Variants in ASPM observed in about 807,000 individuals in gnomAD.
ASPM encodes the protein abnormal spindle-like microcephaly-associated protein.
Under a neutral mutation model 366.4 loss-of-function variants are expected in ASPM, and 256 were observed. That is an observed-to-expected ratio of 0.70 (90% CI 0.63 to 0.77). ASPM has a LOEUF of 0.77. Ranked by LOEUF, ASPM falls within the 30% of genes least tolerant of loss-of-function variation. ASPM has a pLI of 0.00. For missense variants in ASPM, 4,146 were observed against 4,090.4 expected, an observed-to-expected ratio of 1.01 and a Z score of -0.37; for synonymous variants, 1,414 against 1,342.9, an observed-to-expected ratio of 1.05 and a Z score of -1.16.
At chr1:197,088,183 G>C in intron 26 of ASPM, 73 bp downstream of exon 26, 1 of 1,514,578 alleles carries the variant, frequency 6.6e-7, no homozygotes. Flanking sequence ...ATTACTAAAG[G>C]AAAACTATAA....
intron 16 of ASPM, 23 bp from the exon 17 acceptor site, chr1:197,118,006 T>C: frequency 6.3e-7 from 1 of 1,599,456 alleles, no homozygotes; most frequent in Non-Finnish European, 8.6e-7. Context: ...AGTCAGCAAA[T>C]GTAAATTAAA....
chr1:197,109,114 AAAAG>A (rs1657504875), intron 17 of ASPM, among the ~76,000 whole-genome samples: 2 of 152,150 alleles, frequency 1.3e-5, no homozygotes, highest in East Asian at 3.9e-4. Context: ...GTCAAGTAAA[AAAAG>A]AGGAAAAAAA....
At chr1:197,133,701 C>A in intron 5 of ASPM, 106 bp from the exon 6 acceptor site, 6 of 1,330,800 alleles carry the variant, frequency 4.5e-6, no homozygotes, top group Non-Finnish European at 6.2e-6. Context: ...ATAATCTATT[C>A]CTCACCCACT....
In ASPM at chr1:197,144,614, C is replaced by T. The variant is rs527895225; in HGVS notation, c.298-514G>A. Among the ~76,000 whole-genome samples, 38 of 152,254 alleles carry T rather than the reference C, an allele frequency of 2.5e-4. 1 individual carries two copies. The Middle Eastern group carries it at 0.01, about 41-fold the overall frequency. On this transcript the variant is annotated intron_variant, in intron 1 of 27. Coordinates refer to ENST00000367409, the MANE Select transcript of ASPM (RefSeq NM_018136.5). ...GGTATCCTGTAAAACTCATTTAATG[C>T]TAACATCCCTAGGAAGCAGGTATTA...
intron 16 of ASPM, among the ~76,000 whole-genome samples, chr1:197,120,574 G>GAAAAT (rs1200060139): frequency 1.3e-5 from 2 of 152,014 alleles, no homozygotes; most frequent in African/African-American, 4.8e-5. Flanking sequence ...ATCTTGAGCA[G>GAAAAT]AAAATAAAAG....
rs745339338 is a variant in ASPM, at chr1:197,101,926, C to T, written c.7325G>A (p.Arg2442Gln). The change falls in exon 18 of 28, where the codon CGA (arginine) becomes CAA (glutamine). Residue 2442 changes from arginine to glutamine, a missense_variant. Coordinates refer to ENST00000367409, the MANE Select transcript of ASPM (RefSeq NM_018136.5). ...KATIFVQRKY[R>Q]ATICAKHKLY... is the part of the protein sequence containing the mutation. ...TTTATGTTTGGCACAAATGGTGGCTCGATATTTCCTCTGAACAAAAATAGT... is the reference window on the plus strand; with the variant it reads ...TTTATGTTTGGCACAAATGGTGGCTTGATATTTCCTCTGAACAAAAATAGT... 24 of 1,612,526 alleles carry T rather than the reference C, an allele frequency of 1.5e-5. No individual in the cohort carries two copies. Among genetic ancestry groups the T allele is most frequent in the Admixed American group, 6.7e-5 (4 of 59,734 alleles).
intron 17 of ASPM, among the ~76,000 whole-genome samples, chr1:197,107,803 T>C (rs1486806328): frequency 6.6e-6 from 1 of 152,176 alleles, no homozygotes; most frequent in Non-Finnish European, 1.5e-5. Context: ...AATAGCAGAA[T>C]GGAGATGACA....
intron 23 of ASPM, 61 bp from the exon 24 acceptor site, chr1:197,090,449 C>T (rs967507469): frequency 9.9e-5 from 125 of 1,261,398 alleles, no homozygotes; most frequent in Admixed American, 4.0e-4. Context: ...TTTATATCTA[C>T]ATCTGTTTTC....
intron 4 of ASPM, among the ~76,000 whole-genome samples, chr1:197,135,909 C>T (rs1199174320): frequency 6.6e-6 from 1 of 151,920 alleles, no homozygotes; most frequent in Non-Finnish European, 1.5e-5. Flanking sequence ...GCTGAGATCA[C>T]ACCACTGCAC....
chr1:197,139,724 C>T lies in ASPM; in HGVS notation c.2026+43G>A, dbSNP rs201283534. On this transcript the variant is annotated intron_variant, in intron 4 of 27. Transcript: ENST00000367409. ...TGTGAAATGCAATTAATGCTTCATT[C>T]GATGTCATGTTTTCAGAGAGTTTAA... 74 of 1,388,272 alleles carry T rather than the reference C, an allele frequency of 5.3e-5. No individual in the cohort carries two copies. In the African/African-American group the frequency reaches 7.0e-4, roughly 13 times the overall value. The allele number at this position is 1,388,272 out of a possible 1,614,324, so 86.0% of individuals were successfully genotyped here.
At chr1:197,093,579 G>C (rs973361037) in intron 20 of ASPM, among the ~76,000 whole-genome samples, 2 of 151,780 alleles carry the variant, frequency 1.3e-5, no homozygotes, top group Non-Finnish European at 2.9e-5. Flanking sequence ...AAAAATGCTA[G>C]CTACAATAGA....
rs779262236 is a variant in ASPM, at chr1:197,102,088, G to T, written c.7163C>A (p.Ala2388Asp). The change falls in exon 18 of 28, where the codon GCT (alanine) becomes GAT (aspartate). Residue 2388 changes from alanine (A) to aspartate (D), a missense_variant. Around this residue, in one of 3 missense-constraint regions of ASPM, gnomAD observed 3,624 missense variants for 3,591.7 expected, o/e 1.01. Coordinates refer to ENST00000367409, the MANE Select transcript of ASPM (RefSeq NM_018136.5). ...RQHYLRQRHS[A>D]VILQAAFRGM... ...CCTGAATGCAGCCTGAAGGATCACA[G>T]CAGAGTGTCTTTGTCTGAGATAATG... 6.2e-7 allele frequency: 1 copy of T among 1,612,972 alleles called. No homozygotes were observed.
chr1:197,107,857 CA>C, intron 17 of ASPM, among the ~76,000 whole-genome samples: 1 of 152,118 alleles, frequency 6.6e-6, no homozygotes, highest in Admixed American at 6.6e-5. Flanking sequence ...AATTCTGTTG[CA>C]ACAAGTCAAT....
chr1:197,135,288 T>C, intron 4 of ASPM, 46 bp from the exon 5 acceptor site: 10 of 1,561,264 alleles, frequency 6.4e-6, no homozygotes, highest in Non-Finnish European at 8.8e-6. Context: ...TCCTTTAACT[T>C]ATTGTACAAT....
At chr1:197,088,526 A>T in intron 25 of ASPM, 94 bp from the exon 26 acceptor site, 3 of 1,216,744 alleles carry the variant, frequency 2.5e-6, no homozygotes, top group South Asian at 1.4e-5. Flanking sequence ...GTCCATACTT[A>T]GTATAGCCAA....
intron 9 of ASPM, among the ~76,000 whole-genome samples, chr1:197,128,959 A>G (rs896755776): frequency 6.6e-6 from 1 of 152,146 alleles, no homozygotes; most frequent in Non-Finnish European, 1.5e-5. Context: ...TCCATTTTCA[A>G]GTCAAAATTA....
At position 197,142,998 on chromosome 1, in the gene ASPM, T is replaced by A. The variant is rs770369669; in HGVS notation, c.1254A>T (p.Glu418Asp). The A allele has an allele frequency of 2.5e-6, 4 of 1,613,864 alleles. No homozygotes were observed. The highest frequency in any genetic ancestry group is 3.4e-6 in the Non-Finnish European group (4 of 1,179,836). The change falls in exon 3 of 28, where the codon GAA becomes GAT. Residue 418 changes from glutamate (E) to aspartate (D), a missense_variant. By Grantham distance (45) the Glu-to-Asp change is conservative. Transcript: ENST00000367409. ...QQTCKVPLSNENSQVPQSPED... is the reference protein window; with the variant it reads ...QQTCKVPLSNDNSQVPQSPED... Reference sequence around the variant, plus strand: ...CAGGAGACTGTGGGACTTGAGAATTTTCATTTGATAATGGTACTTTACATG... The same window carrying A: ...CAGGAGACTGTGGGACTTGAGAATTATCATTTGATAATGGTACTTTACATG...
intron 16 of ASPM, among the ~76,000 whole-genome samples, chr1:197,120,167 T>G (rs529669175): frequency 2.3e-4 from 35 of 152,176 alleles, no homozygotes; most frequent in Non-Finnish European, 4.7e-4. Flanking sequence ...TGGAAACTTC[T>G]ATTTGCATTA....
Position 197,088,390 on chromosome 1 carries a change from T to C in ASPM, c.10027A>G (p.Ile3343Val), listed in dbSNP as rs1412714817. The C allele has an allele frequency of 1.9e-6, 3 of 1,609,204 alleles. No homozygotes were observed. The highest frequency in any genetic ancestry group is 2.7e-5 in the African/African-American group (2 of 74,798). The change falls in exon 26 of 28, where the codon ATA becomes GTA. Residue 3343 changes from isoleucine (I) to valine (V), a missense_variant. Ile to Val is a conservative substitution (Grantham distance 29). This residue lies in a region of ASPM where 3,624 missense variants were observed against 3,591.7 expected (regional missense o/e 1.01). Coordinates refer to ENST00000367409, the MANE Select transcript of ASPM (RefSeq NM_018136.5). ...TGCAAAAGCTCCAATAGTATATCTATACAATTTTCTACATCATAAACTGCT... is the reference window on the plus strand; with the variant it reads ...TGCAAAAGCTCCAATAGTATATCTACACAATTTTCTACATCATAAACTGCT... The part of the protein sequence containing the change: ...TSAVYDVENC[I>V]DILLELLQIY...
Sources: gnomAD v4.1 joint callset for allele counts (sites outside exome capture counted in the v4.1 genomes callset) on GRCh38, gnomAD v4.1.1 for gene constraint, gnomAD v4.1.1 regional missense constraint, MANE v1.5 for transcripts, NCBI Gene and HGNC (gene_info 2026-07-23, HGNC 2026-07-21) for gene names.